Variants in RALGPS2 observed in about 807,000 individuals in gnomAD.
RALGPS2 encodes the protein ras-specific guanine nucleotide-releasing factor RalGPS2.
In RALGPS2, 43 loss-of-function variants were observed where a neutral mutation model predicts 86.8. The ratio of observed to expected loss-of-function variants is 0.50; its 90% CI spans 0.39 to 0.64. The LOEUF is 0.64. Among genes scored for constraint, RALGPS2 ranks in the 30% least tolerant of loss-of-function variants. RALGPS2 has a pLI of 0.00. For synonymous variants in RALGPS2, 243 were observed against 231.3 expected, an observed-to-expected ratio of 1.05 and a Z score of -0.46; for missense variants, 536 against 694.6, an observed-to-expected ratio of 0.77 and a Z score of 2.57.
intron 3 of RALGPS2, among the ~76,000 whole-genome samples, chr1:178,785,346 C>T (rs933921471): frequency 2.6e-5 from 4 of 151,778 alleles, no homozygotes; most frequent in Non-Finnish European, 5.9e-5. Flanking sequence ...TTTAACTTTA[C>T]ACAATTTATC....
chr1:178,742,619 T>G (rs1384296002), intron 1 of RALGPS2, among the ~76,000 whole-genome samples: 1 of 152,182 alleles, frequency 6.6e-6, no homozygotes, highest in African/African-American at 2.4e-5. Flanking sequence ...TAATTAACAT[T>G]TACAGAATCT....
chr1:178,786,553 G>A (rs916617241), intron 4 of RALGPS2, among the ~76,000 whole-genome samples: 9 of 151,816 alleles, frequency 5.9e-5, no homozygotes, highest in African/African-American at 2.2e-4. Context: ...AACATCCTGA[G>A]TATGATAGTA....
chr1:178,891,704 G>A (rs1267578694), intron 14 of RALGPS2, among the ~76,000 whole-genome samples: 1 of 151,562 alleles, frequency 6.6e-6, no homozygotes, highest in Non-Finnish European at 1.5e-5. Flanking sequence ...ATAATATAAC[G>A]CCTATATTAC....
At chr1:178,872,240 G>A (rs1658797812) in intron 8 of RALGPS2, among the ~76,000 whole-genome samples, 1 of 152,098 alleles carries the variant, frequency 6.6e-6, no homozygotes, top group South Asian at 2.1e-4. Flanking sequence ...TTTATTTAAA[G>A]TCTGAGCTTA....
chr1:178,857,830 C>A (rs1186403190), intron 8 of RALGPS2, among the ~76,000 whole-genome samples: 5 of 152,104 alleles, frequency 3.3e-5, no homozygotes, highest in African/African-American at 7.2e-5. Flanking sequence ...CATCAGTGTT[C>A]TGAATGTTGA....
rs190825841 is a variant in RALGPS2, at chr1:178,794,233, C to T, written c.213+8626C>T. 2.1e-3 allele frequency among the ~76,000 whole-genome samples: 314 copies of T among 152,298 alleles called. 2 individuals carry two copies. The highest frequency in any genetic ancestry group is 7.3e-3 in the African/African-American group (304 of 41,562). On this transcript the variant is annotated intron_variant, in intron 4 of 19. Coordinates refer to ENST00000367635, the MANE Select transcript of RALGPS2 (RefSeq NM_152663.5). ...CTGGGTTCAAGTGATTCTCATGCTT[C>T]AGCCTCCAGAGTAGCTGGGACTACA...
At chr1:178,835,397 T>C (rs559028688) in intron 8 of RALGPS2, among the ~76,000 whole-genome samples, 158 of 148,598 alleles carry the variant, frequency 1.1e-3, no homozygotes, top group African/African-American at 3.6e-3. Flanking sequence ...CTTTTCTTTT[T>C]TTTTTTTTTT....
At chr1:178,758,013 T>G (rs1652040689) in intron 1 of RALGPS2, among the ~76,000 whole-genome samples, 1 of 152,162 alleles carries the variant, frequency 6.6e-6, no homozygotes, top group Admixed American at 6.5e-5. Flanking sequence ...AATTCAATCT[T>G]GGGGGGTTGT....
intron 16 of RALGPS2, 80 bp from the exon 17 acceptor site, chr1:178,897,584 G>T: frequency 8.5e-7 from 1 of 1,178,476 alleles, no homozygotes; most frequent in Non-Finnish European, 1.3e-6. Context: ...AAGTGGACTT[G>T]ATCATTGGCA....
chr1:178,896,568 C>T (rs1366471526), intron 16 of RALGPS2, among the ~76,000 whole-genome samples: 1 of 149,150 alleles, frequency 6.7e-6, no homozygotes, highest in Non-Finnish European at 1.5e-5. Context: ...GCTGCACCCA[C>T]TAACTCGTCA....
At chr1:178,806,596 C>T (rs1007949241) in intron 4 of RALGPS2, among the ~76,000 whole-genome samples, 3 of 152,042 alleles carry the variant, frequency 2.0e-5, no homozygotes, top group African/African-American at 4.8e-5. Flanking sequence ...TTTCAAATTT[C>T]TCTTATATTT....
Position 178,874,711 on chromosome 1 carries a change from G to A in RALGPS2, c.608-2787G>A, listed in dbSNP as rs115991397. Among the ~76,000 whole-genome samples, 1,307 of 152,252 alleles carry A rather than the reference G, an allele frequency of 8.6e-3. 17 individuals are homozygous for A. Among genetic ancestry groups the A allele is most frequent in the African/African-American group, 0.029 (1,210 of 41,542 alleles). On this transcript the variant is annotated intron_variant, in intron 8 of 19. Coordinates refer to ENST00000367635, the MANE Select transcript of RALGPS2 (RefSeq NM_152663.5). ...TTGAGGAATCTTTTAGCTCTCCTTA[G>A]GGATGTTGTAGTCATAAGTTGACTG...
Position 178,878,899 on chromosome 1 carries a change from T to C in RALGPS2, c.746-3T>C. On this transcript the variant is annotated splice_polypyrimidine_tract_variant and splice_region_variant and intron_variant, in intron 9 of 19. Coordinates refer to ENST00000367635, the MANE Select transcript of RALGPS2 (RefSeq NM_152663.5). ...AGATAATTATTTATCACCTTTTGCC[T>C]AGATATTCCCATGTTGCCTCATGTC... The C allele has an allele frequency of 6.2e-7, 1 of 1,612,132 alleles. No individual in the cohort carries two copies. Among genetic ancestry groups the C allele is most frequent in the Non-Finnish European group, 8.5e-7 (1 of 1,179,272 alleles).
intron 1 of RALGPS2, among the ~76,000 whole-genome samples, chr1:178,765,554 G>T (rs936367686): frequency 2.0e-4 from 31 of 152,274 alleles, no homozygotes; most frequent in Middle Eastern, 6.8e-3. Flanking sequence ...TGTTAATGAA[G>T]TTTCGGGCAC....
chr1:178,811,518 C>T (rs1409463553), intron 6 of RALGPS2, 114 bp downstream of exon 6: 4 of 731,302 alleles, frequency 5.5e-6, no homozygotes, highest in South Asian at 2.1e-5. Context: ...AAATAAGACT[C>T]ATTGATATAA....
At chr1:178,822,470 C>T (rs952102377) in intron 7 of RALGPS2, among the ~76,000 whole-genome samples, 2 of 151,912 alleles carry the variant, frequency 1.3e-5, no homozygotes, top group Non-Finnish European at 2.9e-5. Context: ...TTTTAAGGTT[C>T]TGGGCTAAAA....
At chr1:178,733,892 A>AT (rs1217876034) in intron 1 of RALGPS2, among the ~76,000 whole-genome samples, 2 of 152,232 alleles carry the variant, frequency 1.3e-5, no homozygotes, top group Non-Finnish European at 2.9e-5. Context: ...TAAAAATTAA[A>AT]TTTTTTGTGC....
intron 8 of RALGPS2, among the ~76,000 whole-genome samples, chr1:178,836,604 A>G (rs1656284194): frequency 1.3e-5 from 2 of 152,108 alleles, no homozygotes; most frequent in African/African-American, 4.8e-5. Context: ...GCCCCATCTT[A>G]ATTGTGTGAG....
chr1:178,747,698 C>CT, intron 1 of RALGPS2: 1 of 1,434,128 alleles, frequency 7.0e-7, no homozygotes, highest in South Asian at 1.1e-5. Flanking sequence ...AGTACAGCAG[C>CT]TGCCAGCGAT....
Sources: allele counts gnomAD v4.1 joint callset (sites outside exome capture counted in the v4.1 genomes callset), GRCh38; gene constraint gnomAD v4.1.1; transcripts MANE v1.5; gene names NCBI Gene and HGNC (gene_info 2026-07-23, HGNC 2026-07-21).